NRXN1: variants seen among roughly 807,000 people sequenced by gnomAD.
NRXN1 encodes the protein neurexin-1.
NRXN1 carries 39 observed loss-of-function variants against 150.9 expected under a neutral mutation model. The observed-to-expected ratio is 0.26, with a 90% CI of 0.20 to 0.34. The LOEUF is 0.34. Among genes scored for constraint, NRXN1 ranks in the 10% least tolerant of loss-of-function variants. The pLI is 1.00. For missense variants in NRXN1, 1,815 were observed against 1,949.9 expected (o/e 0.93, Z 1.30); for synonymous variants, 924 against 757.0 (o/e 1.22, Z -3.62).
chr2:50,642,406 G>A (rs369969811), intron 5 of NRXN1, among the ~76,000 whole-genome samples: 6 of 152,096 alleles, frequency 3.9e-5, no homozygotes, highest in African/African-American at 1.4e-4. Context: ...GAGATTTGAG[G>A]AAAAGATCCT....
chr2:50,477,973 A>C (rs1310648258), intron 15 of NRXN1, among the ~76,000 whole-genome samples: 3 of 152,146 alleles, frequency 2.0e-5, no homozygotes, highest in African/African-American at 7.2e-5. Context: ...GTAGTTTCTG[A>C]GCACATTCTA....
At chr2:50,765,758 G>T (rs1245548574) in intron 5 of NRXN1, among the ~76,000 whole-genome samples, 13 of 152,044 alleles carry the variant, frequency 8.6e-5, no homozygotes, top group Admixed American at 7.9e-4. Flanking sequence ...AAGGAGGGAA[G>T]CAGGTGAAAA....
Position 50,951,328 on chromosome 2 carries a change from AG to A in NRXN1, c.773-25374del, listed in dbSNP as rs979102445. On this transcript the variant is annotated intron_variant, in intron 2 of 22. Coordinates refer to ENST00000401669, the MANE Select transcript of NRXN1 (RefSeq NM_001330078.2). Reference sequence around the variant, plus strand: ...GAGAATGTGCTGACCTTTAGTGGGTAGGGGTTGGGGTACTAAACGTCCCATA... The same window carrying A: ...GAGAATGTGCTGACCTTTAGTGGGTAGGGTTGGGGTACTAAACGTCCCATA... Among the ~76,000 whole-genome samples the A allele has an allele frequency of 8.0e-4, 121 of 152,136 alleles. 5 individuals are homozygous for A. Among genetic ancestry groups the A allele is most frequent in the Non-Finnish European group, 7.3e-5 (5 of 68,028 alleles).
intron 2 of NRXN1, among the ~76,000 whole-genome samples, chr2:50,997,796 A>G (rs1699521446): frequency 7.0e-6 from 1 of 142,280 alleles, no homozygotes; most frequent in Non-Finnish European, 1.5e-5. Flanking sequence ...AGAGTGAGCC[A>G]TCACATCAGC....
chr2:50,956,701 A>C (rs1692335807), intron 2 of NRXN1, among the ~76,000 whole-genome samples: 1 of 151,966 alleles, frequency 6.6e-6, no homozygotes, highest in African/African-American at 2.4e-5. Context: ...TGGGCGACAG[A>C]GTGAGACTAT....
At chr2:50,507,216 C>A (rs1316917542) in intron 12 of NRXN1, among the ~76,000 whole-genome samples, 2 of 152,034 alleles carry the variant, frequency 1.3e-5, no homozygotes, top group Non-Finnish European at 2.9e-5. Flanking sequence ...TCTTTAGCCT[C>A]CTAAATTTAT....
intron 5 of NRXN1, among the ~76,000 whole-genome samples, chr2:50,752,380 A>T (rs966949875): frequency 6.6e-6 from 1 of 151,968 alleles, no homozygotes; most frequent in Admixed American, 6.6e-5. Context: ...ACATATAAAC[A>T]TGTGCTCATT....
chr2:50,473,129 T>A (rs1558792156), intron 15 of NRXN1, among the ~76,000 whole-genome samples: 1 of 151,952 alleles, frequency 6.6e-6, no homozygotes, highest in African/African-American at 2.4e-5. Flanking sequence ...TCTTGTTCGA[T>A]AATTCACATA....
chr2:50,134,976 C>G (rs1706168948), intron 18 of NRXN1, among the ~76,000 whole-genome samples: 1 of 152,160 alleles, frequency 6.6e-6, no homozygotes, highest in Non-Finnish European at 1.5e-5. Flanking sequence ...CTGCCTCTTT[C>G]TTGTTCTCCC....
At chr2:50,272,157 A>T (rs1241756537) in intron 17 of NRXN1, among the ~76,000 whole-genome samples, 1 of 152,202 alleles carries the variant, frequency 6.6e-6, no homozygotes, top group African/African-American at 2.4e-5. Context: ...CATGAAATAG[A>T]TGATGATTTA....
At chr2:50,676,207 C>T (rs886763125) in intron 5 of NRXN1, among the ~76,000 whole-genome samples, 1 of 152,106 alleles carries the variant, frequency 6.6e-6, no homozygotes, top group African/African-American at 2.4e-5. Context: ...GCTGACTCCT[C>T]ATTCACCTTC....
At chr2:49,952,246 A>G (rs1297624068) in intron 21 of NRXN1, among the ~76,000 whole-genome samples, 1 of 152,076 alleles carries the variant, frequency 6.6e-6, no homozygotes. Flanking sequence ...ACGAAGATAC[A>G]TGATAAGATA....
chr2:50,337,392 T>C (rs1289654435), intron 17 of NRXN1, among the ~76,000 whole-genome samples: 1 of 152,142 alleles, frequency 6.6e-6, no homozygotes, highest in Non-Finnish European at 1.5e-5. Flanking sequence ...GCCAAAAGCA[T>C]GGACTTTCTA....
intron 5 of NRXN1, chr2:50,916,851 TA>T (rs956000060): frequency 6.6e-6 from 1 of 151,712 alleles, no homozygotes; most frequent in African/African-American, 2.4e-5. Flanking sequence ...TTATTAGTAA[TA>T]CATGTAACAA....
rs70946891 is a variant in NRXN1 at position 50,132,856 on chromosome 2, C to CTTT, written c.3547-41365_3547-41363dup. Among the ~76,000 whole-genome samples, 141 of 142,470 alleles carry CTTT rather than the reference C, an allele frequency of 9.9e-4. 2 individuals carry two copies. Among genetic ancestry groups the CTTT allele is most frequent in the Middle Eastern group, 3.7e-3 (1 of 270 alleles). 93.5% of individuals were successfully genotyped at this position (142,470 alleles called of 152,430 possible). A position where few individuals can be genotyped will look rare whatever the true frequency, so the allele number is the denominator to read the frequency against. On this transcript the variant is annotated intron_variant, in intron 18 of 22. Transcript: ENST00000401669. ...AGTTCTGAAAGTCTGGATTTAGGGTCTTTTTTTTTTTTTTTTACCTTGCCA... is the reference window on the plus strand; with the variant it reads ...AGTTCTGAAAGTCTGGATTTAGGGTCTTTTTTTTTTTTTTTTTTTACCTTGCCA...
chr2:50,871,942 T>A (rs1395929397), intron 5 of NRXN1, among the ~76,000 whole-genome samples: 2 of 151,860 alleles, frequency 1.3e-5, no homozygotes, highest in Non-Finnish European at 2.9e-5. Context: ...TTCTAACAGG[T>A]CTAGGATATG....
At chr2:49,990,358 G>C (rs6726132) in intron 21 of NRXN1, among the ~76,000 whole-genome samples, 15,336 of 152,232 alleles carry the variant, frequency 0.1, 819 homozygotes, top group Middle Eastern at 0.21. Context: ...AAAGGAAGGA[G>C]GGAGAGCCAG....
chr2:50,775,259 C>G (rs1423832066), intron 5 of NRXN1, among the ~76,000 whole-genome samples: 1 of 152,040 alleles, frequency 6.6e-6, no homozygotes, highest in African/African-American at 2.4e-5. Context: ...CAGTAGCAGA[C>G]AGAATTGTTC....
intron 5 of NRXN1, among the ~76,000 whole-genome samples, chr2:50,667,110 T>C (rs1688168228): frequency 6.6e-6 from 1 of 151,992 alleles, no homozygotes; most frequent in Non-Finnish European, 1.5e-5. Context: ...TATGAACTTG[T>C]GCTTTTATTC....
Sources: allele counts gnomAD v4.1 joint callset (sites outside exome capture counted in the v4.1 genomes callset), GRCh38; gene constraint gnomAD v4.1.1; transcripts MANE v1.5; gene names NCBI Gene and HGNC (gene_info 2026-07-23, HGNC 2026-07-21).